PCCA: variants seen among roughly 807,000 people sequenced by gnomAD.
PCCA encodes propionyl-CoA carboxylase subunit alpha, also known as propionyl-CoA carboxylase alpha chain, mitochondrial.
A neutral mutation model predicts 101.3 loss-of-function variants in PCCA; 74 were observed. The ratio of observed to expected loss-of-function variants is 0.73; its 90% CI spans 0.61 to 0.89. The LOEUF (loss-of-function observed/expected upper bound fraction) is 0.89. Among genes scored for constraint, PCCA ranks in the 40% least tolerant of loss-of-function variants. The pLI is 0.00. For missense variants in PCCA, 891 were observed against 907.0 expected (o/e 0.98, Z 0.23); for synonymous variants, 294 against 313.6 (o/e 0.94, Z 0.66).
intron 18 of PCCA, among the ~76,000 whole-genome samples, chr13:100,361,052 A>G (rs2074518234): frequency 6.6e-6 from 1 of 152,230 alleles, no homozygotes. Flanking sequence ...AAAAGGCAGC[A>G]TTCTGTATGA....
At chr13:100,207,467 G>A (rs191445268) in intron 6 of PCCA, among the ~76,000 whole-genome samples, 245 of 152,106 alleles carry the variant, frequency 1.6e-3, no homozygotes, top group African/African-American at 5.6e-3. Context: ...TGCAACCTCT[G>A]ACTCCTGGGT....
intron 20 of PCCA, among the ~76,000 whole-genome samples, chr13:100,444,657 G>A (rs1306711835): frequency 1.3e-5 from 2 of 152,032 alleles, no homozygotes; most frequent in South Asian, 2.1e-4. Flanking sequence ...TAGCCAGGAT[G>A]GTCTCAATCT....
At chr13:100,420,669 T>G (rs190325349) in intron 19 of PCCA, among the ~76,000 whole-genome samples, 230 of 152,302 alleles carry the variant, frequency 1.5e-3, no homozygotes, top group Non-Finnish European at 2.4e-3. Flanking sequence ...ATATTTGACC[T>G]TGTTAGTTCA....
At position 100,242,275 on chromosome 13, in the gene PCCA, T is replaced by G. The variant is rs553290097; in HGVS notation, c.637+6397T>G. Among the ~76,000 whole-genome samples, 24 of 152,298 alleles carry G rather than the reference T, an allele frequency of 1.6e-4. No homozygotes were observed. The South Asian group carries it at 5.0e-3, about 32-fold the overall frequency. ...AGAGAGCTGGGGTGGCATACTAATGTCAGACAAGATAAACTTTAAGTCCAA... is the reference window on the plus strand; with the variant it reads ...AGAGAGCTGGGGTGGCATACTAATGGCAGACAAGATAAACTTTAAGTCCAA... On this transcript the variant is annotated intron_variant, in intron 8 of 23. Transcript: ENST00000376285.
At chr13:100,505,730 G>A (rs1195539423) in intron 21 of PCCA, among the ~76,000 whole-genome samples, 1 of 152,108 alleles carries the variant, frequency 6.6e-6, no homozygotes, top group Non-Finnish European at 1.5e-5. Flanking sequence ...AAGCAGGCAT[G>A]GTGGCGTCTG....
intron 12 of PCCA, among the ~76,000 whole-genome samples, chr13:100,281,040 G>A (rs548303583): frequency 6.6e-4 from 101 of 152,128 alleles, no homozygotes; most frequent in Non-Finnish European, 1.1e-3. Flanking sequence ...AATCCGCCTC[G>A]GTGATCACAT....
At chr13:100,124,504 G>A (rs550135910) in intron 4 of PCCA, among the ~76,000 whole-genome samples, 4 of 152,220 alleles carry the variant, frequency 2.6e-5, no homozygotes, top group South Asian at 2.1e-4. Context: ...GATTGAGTGG[G>A]GTTTCCTGTG....
At chr13:100,234,818 CACTT>C (rs1253937691) in intron 7 of PCCA, among the ~76,000 whole-genome samples, 4 of 151,986 alleles carry the variant, frequency 2.6e-5, no homozygotes, top group Admixed American at 1.3e-4. Context: ...AATTCAGTCA[CACTT>C]ACCAGCTGTG....
At chr13:100,298,965 G>A (rs936813317) in intron 12 of PCCA, among the ~76,000 whole-genome samples, 1 of 151,680 alleles carries the variant, frequency 6.6e-6, no homozygotes, top group Non-Finnish European at 1.5e-5. Context: ...TATTTAGAAG[G>A]ATTTCTTTCA....
At chr13:100,244,560 G>A (rs991282209) in intron 8 of PCCA, among the ~76,000 whole-genome samples, 3 of 152,006 alleles carry the variant, frequency 2.0e-5, no homozygotes, top group African/African-American at 7.3e-5. Flanking sequence ...AAAAGGCTGT[G>A]CATAACATTC....
At chr13:100,486,989 C>T (rs747758342) in intron 21 of PCCA, among the ~76,000 whole-genome samples, 15 of 152,110 alleles carry the variant, frequency 9.9e-5, no homozygotes, top group African/African-American at 2.4e-4. Flanking sequence ...CGAACTTGAG[C>T]GGAATTGTCT....
chr13:100,213,899 ATT>A (rs902035492), intron 7 of PCCA, among the ~76,000 whole-genome samples: 1 of 152,114 alleles, frequency 6.6e-6, no homozygotes, highest in African/African-American at 2.4e-5. Context: ...TTTTGATTTG[ATT>A]TTTGTATATG....
chr13:100,261,410 G>C (rs1163140002), intron 9 of PCCA, among the ~76,000 whole-genome samples: 1 of 150,728 alleles, frequency 6.6e-6, no homozygotes, highest in Admixed American at 6.6e-5. Flanking sequence ...CTGTCACCCA[G>C]GCTGTAGTGC....
At chr13:100,146,153 C>T (rs1348297208) in intron 4 of PCCA, among the ~76,000 whole-genome samples, 2 of 151,400 alleles carry the variant, frequency 1.3e-5, no homozygotes, top group African/African-American at 2.4e-5. Flanking sequence ...GCTGGCCAGG[C>T]TGATCTCAAA....
chr13:100,500,027 C>T (rs2255873), intron 21 of PCCA, among the ~76,000 whole-genome samples: 114,712 of 152,098 alleles, frequency 0.75, 44,305 homozygotes, highest in African/African-American at 0.92. Flanking sequence ...TATCTTTAGA[C>T]TATTCTACCT....
chr13:100,156,295 T>C (rs1444791577), intron 5 of PCCA, among the ~76,000 whole-genome samples: 1 of 152,172 alleles, frequency 6.6e-6, no homozygotes, highest in Non-Finnish European at 1.5e-5. Flanking sequence ...CTTGAACTCC[T>C]GACCTCAGGT....
At chr13:100,448,998 G>A (rs1486512807) in intron 20 of PCCA, among the ~76,000 whole-genome samples, 1 of 152,138 alleles carries the variant, frequency 6.6e-6, no homozygotes, top group Non-Finnish European at 1.5e-5. Context: ...CCATCTCCAT[G>A]GATTTTACTA....
At chr13:100,240,244 A>C (rs183195204) in intron 8 of PCCA, among the ~76,000 whole-genome samples, 1 of 152,174 alleles carries the variant, frequency 6.6e-6, no homozygotes, top group East Asian at 1.9e-4. Context: ...TCTGACTACT[A>C]TCCCTATGTA....
chr13:100,304,280 G>C (rs1448398374), intron 14 of PCCA, among the ~76,000 whole-genome samples: 1 of 152,220 alleles, frequency 6.6e-6, no homozygotes, highest in Non-Finnish European at 1.5e-5. Context: ...GCTTACTGCT[G>C]TTATTTGCTT....
Sources: gnomAD v4.1 joint callset for allele counts (sites outside exome capture counted in the v4.1 genomes callset) on GRCh38, gnomAD v4.1.1 for gene constraint, MANE v1.5 for transcripts, NCBI Gene and HGNC (gene_info 2026-07-23, HGNC 2026-07-21) for gene names.